Variants in PRELID2 observed in about 807,000 individuals in gnomAD.
PRELID2 encodes PRELI domain-containing protein 2.
PRELID2 carries 25 observed loss-of-function variants against 28.4 expected under a neutral mutation model. The observed-to-expected ratio is 0.88, with a 90% CI of 0.64 to 1.23. The LOEUF (loss-of-function observed/expected upper bound fraction) is 1.23, where lower values mean the gene tolerates loss of function less well. Ranked by LOEUF, PRELID2 falls within the 50% of genes most tolerant of loss-of-function variation. The pLI is 0.00. For missense variants in PRELID2, 201 were observed against 214.4 expected, an observed-to-expected ratio of 0.94 and a Z score of 0.39; for synonymous variants, 76 against 71.6, an observed-to-expected ratio of 1.06 and a Z score of -0.31.
intron 1 of PRELID2, among the ~76,000 whole-genome samples, chr5:145,494,273 TTAAATA>T (rs1191830962): frequency 6.6e-6 from 1 of 152,188 alleles, no homozygotes; most frequent in Admixed American, 6.5e-5. Flanking sequence ...ATTAGTTCAT[TTAAATA>T]TAAATATAAC....
chr5:145,829,917 G>T (rs967911338), intron 1 of PRELID2, among the ~76,000 whole-genome samples: 3 of 152,190 alleles, frequency 2.0e-5, no homozygotes, highest in Admixed American at 2.0e-4. Flanking sequence ...ATGAGCTTAA[G>T]AGTAAACATT....
the PRELID2 span, among the ~76,000 whole-genome samples, chr5:145,379,940 T>C: frequency 6.6e-6 from 1 of 152,138 alleles, no homozygotes; most frequent in African/African-American, 2.4e-5. Context: ...CAGCCATGTC[T>C]GATGGGCAAG....
At chr5:145,560,041 TTAGTC>T (rs1296887743) in intron 1 of PRELID2, among the ~76,000 whole-genome samples, 1 of 152,168 alleles carries the variant, frequency 6.6e-6, no homozygotes, top group African/African-American at 2.4e-5. Context: ...AACATTTACA[TTAGTC>T]TACAGTTAGG....
chr5:145,497,731 G>C (rs1172131050), intron 1 of PRELID2, among the ~76,000 whole-genome samples: 1 of 152,146 alleles, frequency 6.6e-6, no homozygotes, highest in Non-Finnish European at 1.5e-5. Flanking sequence ...ACAACAGATG[G>C]CTAAAATATT....
At chr5:145,466,025 C>T in the PRELID2 span, among the ~76,000 whole-genome samples, 10 of 152,092 alleles carry the variant, frequency 6.6e-5, no homozygotes, top group South Asian at 2.1e-4. Context: ...TGAGCTGAGA[C>T]GTGTCAGAAT....
At chr5:145,383,138 C>T in the PRELID2 span, among the ~76,000 whole-genome samples, 1 of 149,568 alleles carries the variant, frequency 6.7e-6, no homozygotes, top group African/African-American at 2.5e-5. Context: ...GATTCTAAAA[C>T]ATGTGGGAAA....
chr5:145,572,142 A>G (rs2149618441), intron 1 of PRELID2, among the ~76,000 whole-genome samples: 1 of 152,318 alleles, frequency 6.6e-6, no homozygotes, highest in Middle Eastern at 3.4e-3. Context: ...ATCTTTAGAT[A>G]AATTGGTTGA....
intron 1 of PRELID2, chr5:145,728,949 G>A: frequency 1.3e-6 from 1 of 791,604 alleles, no homozygotes; most frequent in South Asian, 1.3e-5. Context: ...CAAAACCACA[G>A]CAACTGCACA....
chr5:145,368,797 G>A, the PRELID2 span, among the ~76,000 whole-genome samples: 11 of 150,986 alleles, frequency 7.3e-5, no homozygotes, highest in African/African-American at 2.7e-4. Context: ...TTTTTTTGTT[G>A]TTGTTTTTTT....
intron 5 of PRELID2, among the ~76,000 whole-genome samples, chr5:145,785,613 T>C (rs1371321074): frequency 1.3e-5 from 2 of 152,210 alleles, no homozygotes; most frequent in East Asian, 3.8e-4. Context: ...CCAAAGGCTT[T>C]GATTATTAGC....
the PRELID2 span, among the ~76,000 whole-genome samples, chr5:145,454,231 C>G: frequency 3.9e-4 from 59 of 152,196 alleles, no homozygotes; most frequent in African/African-American, 1.3e-3. Context: ...ATTCAACAGC[C>G]CTTCAAGCTA....
Position 145,570,811 on chromosome 5 carries a change from G to T in PRELID2, n.71-97496C>A, listed in dbSNP as rs145212615. Among the ~76,000 whole-genome samples, 13 of 152,238 alleles carry T rather than the reference G, an allele frequency of 8.5e-5. No homozygotes were observed. In the East Asian group the frequency reaches 2.5e-3, roughly 29 times the overall value. The stretch of plus-strand genomic sequence containing the variant: ...AACACACAATTCTTTTACAGAATAA[G>T]TCAAGTCATAACACTCCTCTACTAA... On this transcript the variant is annotated intron_variant and non_coding_transcript_variant, in intron 1 of 2. Transcript: ENST00000510259.
chr5:145,352,997 A>G, the PRELID2 span, among the ~76,000 whole-genome samples: 110,521 of 152,074 alleles, frequency 0.73, 40,488 homozygotes, highest in East Asian at 1. Context: ...AGGAAGTTCC[A>G]AACTTTCCCA....
intron 1 of PRELID2, among the ~76,000 whole-genome samples, chr5:145,500,513 C>T (rs553336302): frequency 6.6e-6 from 1 of 152,098 alleles, no homozygotes. Context: ...GCCTAGTCAA[C>T]TTTCTGAGCT....
the PRELID2 span, among the ~76,000 whole-genome samples, chr5:145,447,082 T>TAAATAAAA: frequency 3.3e-5 from 5 of 150,586 alleles, no homozygotes; most frequent in South Asian, 2.1e-4. Flanking sequence ...AATAAATAAA[T>TAAATAAAA]AAAAATTTAA....
At chr5:145,286,732 T>G in the PRELID2 span, among the ~76,000 whole-genome samples, 28 of 147,588 alleles carry the variant, frequency 1.9e-4, no homozygotes, top group Non-Finnish European at 3.1e-4. Context: ...TTGTTTTTTT[T>G]TTTTTTTGAG....
At chr5:145,250,428 T>C in the PRELID2 span, among the ~76,000 whole-genome samples, 2 of 152,110 alleles carry the variant, frequency 1.3e-5, no homozygotes, top group Non-Finnish European at 2.9e-5. Context: ...AGCCAACAGC[T>C]TCAGAGGGAA....
the PRELID2 span, among the ~76,000 whole-genome samples, chr5:145,301,858 T>C: frequency 6.6e-6 from 1 of 151,922 alleles, no homozygotes; most frequent in Non-Finnish European, 1.5e-5. Context: ...CAAAACCATA[T>C]AGTCTTGATT....
intron 1 of PRELID2, among the ~76,000 whole-genome samples, chr5:145,584,201 T>C (rs1753132370): frequency 6.6e-6 from 1 of 152,136 alleles, no homozygotes; most frequent in African/African-American, 2.4e-5. Flanking sequence ...GGATTCCCTA[T>C]TTAATAAGTG....
Sources: allele counts gnomAD v4.1 joint callset (sites outside exome capture counted in the v4.1 genomes callset), GRCh38; gene constraint gnomAD v4.1.1; transcripts MANE v1.5; gene names NCBI Gene and HGNC (gene_info 2026-07-23, HGNC 2026-07-21).